DNM1L: variants seen among roughly 807,000 people sequenced by gnomAD.
DNM1L encodes the protein dynamin 1L.
Under a neutral mutation model 92.8 loss-of-function variants are expected in DNM1L, and 33 were observed. The observed-to-expected ratio is 0.36, with a 90% CI of 0.27 to 0.48. DNM1L has a LOEUF of 0.48. DNM1L is among the 20% of genes least tolerant of loss of function. DNM1L has a pLI of 0.99. For synonymous variants in DNM1L, 284 were observed against 305.0 expected (o/e 0.93, Z 0.72); for missense variants, 485 against 888.8 (o/e 0.55, Z 5.78).
intron 2 of DNM1L, among the ~76,000 whole-genome samples, chr12:32,704,929 T>C (rs1052245795): frequency 2.0e-5 from 3 of 152,178 alleles, no homozygotes; most frequent in African/African-American, 7.2e-5. Context: ...GTATTTAGTA[T>C]ATTTTGTAGA....
intron 1 of DNM1L, chr12:32,680,107 G>A (rs1951752705): frequency 1.3e-6 from 1 of 762,618 alleles, no homozygotes; most frequent in Non-Finnish European, 1.6e-6. Flanking sequence ...TGTTGGGAAG[G>A]AATATCCGAT....
At chr12:32,717,965 ATATT>A (rs1953592829) in intron 6 of DNM1L, among the ~76,000 whole-genome samples, 1 of 104,374 alleles carries the variant, frequency 9.6e-6, no homozygotes, top group African/African-American at 4.3e-5. Context: ...TATAGTATAT[ATATT>A]ATATATAGTA....
chr12:32,737,777 A>C lies in DNM1L; in HGVS notation c.1597-88A>C, dbSNP rs775337526. Reference sequence around the variant, plus strand: ...TTTCATGTTATTTTACGATTTCATTACAGAAGGGAAAAATTCATTTATAGA... The same window carrying C: ...TTTCATGTTATTTTACGATTTCATTCCAGAAGGGAAAAATTCATTTATAGA... On this transcript the variant is annotated intron_variant, in intron 14 of 19. Coordinates refer to ENST00000549701, the MANE Select transcript of DNM1L (RefSeq NM_012062.5). 18 of 993,998 alleles carry C rather than the reference A, an allele frequency of 1.8e-5. No homozygotes were observed. In the East Asian group the frequency reaches 4.1e-4, roughly 23 times the overall value. 61.6% of individuals were successfully genotyped at this position (993,998 alleles called of 1,614,324 possible).
rs1056008056 is a variant in DNM1L at position 32,718,854 on chromosome 12, T to C, written c.740+91T>C. The C allele has an allele frequency of 1.7e-5, 26 of 1,544,188 alleles. No individual in the cohort carries two copies. The African/African-American group carries it at 3.4e-4, about 20-fold the overall frequency. ...TCAGAGCAAGTCTGAATTTCTAAAA[T>C]CTGTTTGAAATGTGATGCTGTACTA... On this transcript the variant is annotated intron_variant, in intron 7 of 19. Transcript: ENST00000549701.
At position 32,733,710 on chromosome 12, in the gene DNM1L, T is replaced by C. The variant is rs1954707386; in HGVS notation, c.1447-5T>C. On this transcript the variant is annotated splice_region_variant and splice_polypyrimidine_tract_variant and intron_variant, in intron 12 of 19. Coordinates refer to ENST00000549701, the MANE Select transcript of DNM1L (RefSeq NM_012062.5). ...TGTATATCGCCTAACTTACTTTTTT[T>C]CTAGGTCCATAACTTAGTGGCAATT... The C allele has an allele frequency of 1.2e-6, 2 of 1,613,322 alleles. No homozygotes were observed. Among genetic ancestry groups the C allele is most frequent in the Non-Finnish European group, 1.7e-6 (2 of 1,179,434 alleles).
intron 8 of DNM1L, 40 bp downstream of exon 8, chr12:32,720,835 T>C: frequency 1.2e-6 from 2 of 1,610,148 alleles, no homozygotes; most frequent in Non-Finnish European, 8.5e-7. Context: ...GTGTTTGTTT[T>C]TACCAATTGG....
intron 1 of DNM1L, chr12:32,679,811 G>T: frequency 9.8e-7 from 1 of 1,018,806 alleles, no homozygotes; most frequent in Non-Finnish European, 1.2e-6. Context: ...GCGTGCCGCT[G>T]CCTCCAAGGG....
chr12:32,682,954 T>G (rs1951864846), intron 1 of DNM1L, among the ~76,000 whole-genome samples: 1 of 152,164 alleles, frequency 6.6e-6, no homozygotes, highest in African/African-American at 2.4e-5. Context: ...TGGTGTAACT[T>G]TGCAAGTAGA....
In DNM1L at chr12:32,684,491, T is replaced by A. The variant is rs149625053; in HGVS notation, c.102+5026T>A. Among the ~76,000 whole-genome samples, 492 of 152,248 alleles carry A rather than the reference T, an allele frequency of 3.2e-3. 5 individuals carry two copies. The highest frequency in any genetic ancestry group is 0.011 in the African/African-American group (463 of 41,524). The stretch of plus-strand genomic sequence containing the variant: ...TCAACATAATTCTTTTTTTTTTTCT[T>A]TTTTGAGACAGAGTTTTGCTCTGTT... On this transcript the variant is annotated intron_variant, in intron 1 of 19. Coordinates refer to ENST00000549701, the MANE Select transcript of DNM1L (RefSeq NM_012062.5).
rs138133550 is a variant in DNM1L, at chr12:32,740,190, A to T, written c.1834A>T (p.Ile612Phe). The stretch of plus-strand genomic sequence containing the variant: ...AGAAGAAAAATCAAAACCCATTCCA[A>T]TTATGCCAGCCAGTCCACAAAAAGG... ...LAEEKSKPIP[I>F]MPASPQKGHA... Residue 612 changes from isoleucine to phenylalanine, a missense_variant, in exon 17 of 20, where the codon ATT becomes TTT. This residue lies in a region of DNM1L where 133 missense variants were observed against 210.9 expected (regional missense o/e 0.63). Coordinates refer to ENST00000549701, the MANE Select transcript of DNM1L (RefSeq NM_012062.5). 1,146 of 1,614,186 alleles carry T rather than the reference A, an allele frequency of 7.1e-4. 1 individual carries two copies. The highest frequency in any genetic ancestry group is 9.3e-4 in the Admixed American group (56 of 60,024).
In DNM1L at chr12:32,698,171, CCTCA is replaced by C. The variant is rs374608138; in HGVS notation, c.103-3243_103-3240del. Among the ~76,000 whole-genome samples, 98 of 152,320 alleles carry C rather than the reference CCTCA, an allele frequency of 6.4e-4. No individual in the cohort carries two copies. In the East Asian group the frequency reaches 0.017, roughly 26 times the overall value. On this transcript the variant is annotated intron_variant, in intron 1 of 19. Coordinates refer to ENST00000549701, the MANE Select transcript of DNM1L (RefSeq NM_012062.5). ...CAGTTTCGCAGACATGTCTTATATT[CCTCA>C]ATTTAACTCTCCAGATCCATTCAGC...
chr12:32,703,707 G>A (rs1952806123), intron 2 of DNM1L, among the ~76,000 whole-genome samples: 1 of 151,972 alleles, frequency 6.6e-6, no homozygotes, highest in Admixed American at 6.6e-5. Context: ...AAAGACCTAG[G>A]TTACCAATAG....
chr12:32,724,645 A>T (rs1484301998), intron 9 of DNM1L, among the ~76,000 whole-genome samples: 2 of 138,658 alleles, frequency 1.4e-5, no homozygotes, highest in Non-Finnish European at 3.0e-5. Context: ...AATATAAATT[A>T]AATATTTAAT....
intron 2 of DNM1L, among the ~76,000 whole-genome samples, chr12:32,705,123 C>G (rs1952872816): frequency 6.6e-6 from 1 of 151,696 alleles, no homozygotes; most frequent in Non-Finnish European, 1.5e-5. Flanking sequence ...CTGCCTCAGC[C>G]TCCTGAGTAG....
At chr12:32,729,573 C>CTGAG (rs1477011616) in intron 9 of DNM1L, among the ~76,000 whole-genome samples, 3 of 152,176 alleles carry the variant, frequency 2.0e-5, no homozygotes, top group African/African-American at 7.2e-5. Flanking sequence ...CCTCAGCCTC[C>CTGAG]TGAGTAGCTG....
At chr12:32,741,692 A>T (rs1036817497) in intron 18 of DNM1L, among the ~76,000 whole-genome samples, 3 of 152,234 alleles carry the variant, frequency 2.0e-5, no homozygotes, top group African/African-American at 7.2e-5. Flanking sequence ...TTCCCGTTAG[A>T]TTATGATACC....
intron 6 of DNM1L, among the ~76,000 whole-genome samples, chr12:32,718,438 G>A (rs550228007): frequency 7.3e-5 from 11 of 151,562 alleles, no homozygotes; most frequent in African/African-American, 2.2e-4. Flanking sequence ...CACCGTGCCC[G>A]GCAAAAATGT....
chr12:32,679,688 G>A, intron 1 of DNM1L: 2 of 1,243,886 alleles, frequency 1.6e-6, no homozygotes, highest in Non-Finnish European at 2.0e-6. Flanking sequence ...CCGGCCAGGG[G>A]CGGAGCCGGC....
chr12:32,719,963 T>C (rs1953732414), intron 7 of DNM1L, among the ~76,000 whole-genome samples: 1 of 152,198 alleles, frequency 6.6e-6, no homozygotes, highest in Admixed American at 6.5e-5. Flanking sequence ...TCATGAAATC[T>C]GAGTTATAGT....
Sources: gnomAD v4.1 joint callset for allele counts (sites outside exome capture counted in the v4.1 genomes callset) on GRCh38, gnomAD v4.1.1 for gene constraint, gnomAD v4.1.1 regional missense constraint, MANE v1.5 for transcripts, NCBI Gene and HGNC (gene_info 2026-07-23, HGNC 2026-07-21) for gene names.